Variants in RGL1 observed in about 807,000 individuals in gnomAD.
RGL1 encodes ral guanine nucleotide dissociation stimulator like 1.
RGL1 carries 24 observed loss-of-function variants against 95.2 expected under a neutral mutation model. That is an observed-to-expected ratio of 0.25 (90% CI 0.18 to 0.35). The LOEUF (loss-of-function observed/expected upper bound fraction) is 0.35, where lower values mean the gene tolerates loss of function less well. Among genes scored for constraint, RGL1 ranks in the 10% least tolerant of loss-of-function variants. The pLI is 1.00. For synonymous variants in RGL1, 329 were observed against 344.9 expected (o/e 0.95, Z 0.51); for missense variants, 715 against 936.3 (o/e 0.76, Z 3.08).
chr1:183,900,886 C>T (rs754497449), intron 11 of RGL1, among the ~76,000 whole-genome samples: 2 of 151,326 alleles, frequency 1.3e-5, no homozygotes, highest in African/African-American at 2.4e-5. Context: ...ACTTTAAGGC[C>T]GGGCGCGATG....
At chr1:183,920,782 G>A (rs1376294956) in intron 16 of RGL1, among the ~76,000 whole-genome samples, 1 of 152,238 alleles carries the variant, frequency 6.6e-6, no homozygotes, top group Non-Finnish European at 1.5e-5. Context: ...GAATATGCCA[G>A]ATGTTTTGGT....
At chr1:183,925,898 C>G (rs1669587229) in intron 17 of RGL1, among the ~76,000 whole-genome samples, 2 of 152,114 alleles carry the variant, frequency 1.3e-5, no homozygotes, top group South Asian at 4.1e-4. Context: ...TCTAAAATCT[C>G]ATTTGTACTA....
intron 1 of RGL1, among the ~76,000 whole-genome samples, chr1:183,700,380 G>A (rs112059992): frequency 1.1e-3 from 161 of 151,748 alleles, no homozygotes; most frequent in African/African-American, 3.8e-3. Flanking sequence ...GATCTCACAT[G>A]ACGTCTTCCT....
intron 2 of RGL1, among the ~76,000 whole-genome samples, chr1:183,770,228 C>A (rs1926834): frequency 6.6e-6 from 1 of 151,938 alleles, no homozygotes; most frequent in African/African-American, 2.4e-5. Flanking sequence ...CTGTTACCCA[C>A]GAAAGACATC....
intron 1 of RGL1, among the ~76,000 whole-genome samples, chr1:183,733,045 T>C (rs952506065): frequency 4.6e-5 from 7 of 152,180 alleles, no homozygotes; most frequent in Non-Finnish European, 1.0e-4. Flanking sequence ...CTGATATATA[T>C]TTATGAATGC....
chr1:183,830,593 A>G (rs1374577769), intron 2 of RGL1, among the ~76,000 whole-genome samples: 2 of 152,202 alleles, frequency 1.3e-5, no homozygotes, highest in South Asian at 2.1e-4. Context: ...AGATAGAACA[A>G]TAAGAGCAAT....
chr1:183,663,665 G>A (rs966257979), intron 1 of RGL1, among the ~76,000 whole-genome samples: 1 of 151,860 alleles, frequency 6.6e-6, no homozygotes, highest in Non-Finnish European at 1.5e-5. Flanking sequence ...CGATTCCTCA[G>A]GGATCTAGAA....
chr1:183,667,557 C>T (rs552586854), intron 1 of RGL1, among the ~76,000 whole-genome samples: 1 of 152,174 alleles, frequency 6.6e-6, no homozygotes, highest in Non-Finnish European at 1.5e-5. Context: ...AACTCCCAAC[C>T]TCAGGTGATC....
intron 1 of RGL1, among the ~76,000 whole-genome samples, chr1:183,732,359 G>C (rs1455744301): frequency 6.6e-6 from 1 of 152,082 alleles, no homozygotes; most frequent in Non-Finnish European, 1.5e-5. Flanking sequence ...GGAATGAAAT[G>C]GTAACATGGA....
rs138577298 is a variant in RGL1, at chr1:183,726,944, G to A, written c.-32-15182G>A. On this transcript the variant is annotated intron_variant, in intron 1 of 18. Transcript: ENST00000304685. ...TTCCTATTGCTGATTTTTGGATTTG[G>A]AATGTTCAACCTATACCACTATATG... 1.8e-3 allele frequency among the ~76,000 whole-genome samples: 275 copies of A among 152,128 alleles called. 6 individuals carry two copies. The East Asian group carries it at 0.042, about 23-fold the overall frequency.
chr1:183,884,683 G>A, intron 6 of RGL1, 40 bp from the exon 7 acceptor site: 6 of 1,550,598 alleles, frequency 3.9e-6, no homozygotes, highest in Non-Finnish European at 5.3e-6. Context: ...CATATGAAAT[G>A]TCTGTGTTGT....
At chr1:183,713,376 A>AACCCC (rs1553273632) in intron 1 of RGL1, among the ~76,000 whole-genome samples, 25 of 48,204 alleles carry the variant, frequency 5.2e-4, no homozygotes, top group South Asian at 9.7e-4. Context: ...ATCTAGAGGC[A>AACCCC]CCCCCCCCCC....
At chr1:183,903,698 T>A (rs1024057003) in intron 12 of RGL1, among the ~76,000 whole-genome samples, 2 of 152,168 alleles carry the variant, frequency 1.3e-5, no homozygotes, top group Non-Finnish European at 2.9e-5. Flanking sequence ...AAGTAGTGGG[T>A]GTTAGAGAAG....
At chr1:183,656,838 A>G (rs932644220) in intron 1 of RGL1, among the ~76,000 whole-genome samples, 1 of 152,254 alleles carries the variant, frequency 6.6e-6, no homozygotes, top group Non-Finnish European at 1.5e-5. Context: ...TTTGGTAATT[A>G]GTTAAACTAA....
intron 3 of RGL1, among the ~76,000 whole-genome samples, chr1:183,848,219 CGAT>C (rs1664572709): frequency 6.6e-6 from 1 of 151,950 alleles, no homozygotes; most frequent in Non-Finnish European, 1.5e-5. Context: ...AATGATGATG[CGAT>C]GATGATGATA....
chr1:183,849,968 C>G (rs894707669), intron 3 of RGL1, among the ~76,000 whole-genome samples: 1 of 152,134 alleles, frequency 6.6e-6, no homozygotes, highest in Admixed American at 6.5e-5. Flanking sequence ...ACATTCCTGT[C>G]CACAGAAAAC....
intron 1 of RGL1, among the ~76,000 whole-genome samples, chr1:183,705,988 G>A (rs1328689731): frequency 6.6e-6 from 1 of 152,158 alleles, no homozygotes; most frequent in African/African-American, 2.4e-5. Flanking sequence ...TTGTGATTGA[G>A]GGTGTGGAAG....
chr1:183,855,234 A>G (rs576926878), intron 3 of RGL1, among the ~76,000 whole-genome samples: 1 of 152,302 alleles, frequency 6.6e-6, no homozygotes, highest in African/African-American at 2.4e-5. Flanking sequence ...TCGTGTCATC[A>G]CTGTCAAGGC....
intron 3 of RGL1, among the ~76,000 whole-genome samples, chr1:183,862,351 G>T (rs140519801): frequency 2.0e-5 from 3 of 151,952 alleles, no homozygotes; most frequent in African/African-American, 7.3e-5. Flanking sequence ...AAGAGAGTGA[G>T]ACCCTGTTTC....
Sources: gnomAD v4.1 joint callset for allele counts (sites outside exome capture counted in the v4.1 genomes callset) on GRCh38, gnomAD v4.1.1 for gene constraint, MANE v1.5 for transcripts, NCBI Gene and HGNC (gene_info 2026-07-23, HGNC 2026-07-21) for gene names.